MCHR2: variants seen among roughly 807,000 people sequenced by gnomAD.
The protein encoded by MCHR2 is melanin-concentrating hormone receptor 2.
In MCHR2, 15 loss-of-function variants were observed where a neutral mutation model predicts 24.8. That is an observed-to-expected ratio of 0.60 (90% CI 0.40 to 0.93). The LOEUF is 0.93. Ranked by LOEUF, MCHR2 falls within the 40% of genes least tolerant of loss-of-function variation. The probability of loss-of-function intolerance (pLI) is 0.00; values close to 1 mark genes in which losing one functional copy is unlikely to be tolerated. For synonymous variants in MCHR2, 151 were observed against 147.6 expected (o/e 1.02, Z -0.17); for missense variants, 386 against 408.7 (o/e 0.94, Z 0.48).
At chr6:99,940,469 A>C (rs775695906) in intron 4 of MCHR2, among the ~76,000 whole-genome samples, 2 of 151,954 alleles carry the variant, frequency 1.3e-5, no homozygotes, top group Non-Finnish European at 2.9e-5. Flanking sequence ...TTTCTCTGAT[A>C]TATTTCTGAA....
intron 1 of MCHR2, among the ~76,000 whole-genome samples, chr6:99,966,742 TTA>T (rs1250665190): frequency 6.6e-6 from 1 of 152,206 alleles, no homozygotes; most frequent in East Asian, 1.9e-4. Context: ...AGTATTTAAA[TTA>T]TGTTCATAAT....
chr6:99,930,598 T>A (rs1400024534), intron 5 of MCHR2, among the ~76,000 whole-genome samples: 1 of 151,918 alleles, frequency 6.6e-6, no homozygotes, highest in Non-Finnish European at 1.5e-5. Context: ...TCATCTTCTG[T>A]CACTGATACC....
chr6:99,983,676 CT>C (rs925922010), intron 1 of MCHR2, among the ~76,000 whole-genome samples: 1 of 152,282 alleles, frequency 6.6e-6, no homozygotes, highest in African/African-American at 2.4e-5. Context: ...TTGCAAATTT[CT>C]TCCTCGAAAC....
intron 1 of MCHR2, among the ~76,000 whole-genome samples, chr6:99,967,888 A>G (rs558689617): frequency 6.6e-6 from 1 of 152,280 alleles, no homozygotes; most frequent in South Asian, 2.1e-4. Context: ...ATCTCCAGGC[A>G]TACTCTATCT....
At chr6:99,946,138 C>T (rs901811084) in intron 3 of MCHR2, among the ~76,000 whole-genome samples, 1 of 151,944 alleles carries the variant, frequency 6.6e-6, no homozygotes, top group Non-Finnish European at 1.5e-5. Flanking sequence ...CTTTAGGTCA[C>T]TTTTCTACAG....
chr6:99,988,324 A>G (rs545581069), intron 1 of MCHR2, among the ~76,000 whole-genome samples: 116 of 152,276 alleles, frequency 7.6e-4, no homozygotes, highest in African/African-American at 2.5e-3. Context: ...TTTTCCAAGG[A>G]TGGTCCCCAC....
chr6:99,931,635 CT>C (rs1477838750), intron 5 of MCHR2, among the ~76,000 whole-genome samples: 5 of 152,188 alleles, frequency 3.3e-5, no homozygotes, highest in Non-Finnish European at 7.3e-5. Context: ...GTAGGACCCC[CT>C]GAGCCATGTG....
chr6:99,981,358 G>A (rs1265371304), intron 1 of MCHR2, among the ~76,000 whole-genome samples: 1 of 152,188 alleles, frequency 6.6e-6, no homozygotes, highest in Admixed American at 6.5e-5. Flanking sequence ...ACAAAGAAGA[G>A]GGTGGCCATA....
intron 1 of MCHR2, among the ~76,000 whole-genome samples, chr6:99,989,985 T>C (rs1049480645): frequency 5.3e-5 from 8 of 152,182 alleles, no homozygotes; most frequent in Admixed American, 3.3e-4. Context: ...TAGCAATATA[T>C]AATCTTTTTA....
intron 1 of MCHR2, among the ~76,000 whole-genome samples, chr6:99,972,992 C>T (rs1056385867): frequency 2.6e-5 from 4 of 151,650 alleles, no homozygotes; most frequent in Non-Finnish European, 5.9e-5. Flanking sequence ...CTATGTGGTC[C>T]GTTTTGGAAT....
At chr6:99,976,115 A>G (rs970971478) in intron 1 of MCHR2, among the ~76,000 whole-genome samples, 3 of 152,242 alleles carry the variant, frequency 2.0e-5, no homozygotes, top group African/African-American at 7.2e-5. Context: ...ATGACAGCAC[A>G]TTACAAATTT....
rs575058320 is a variant in MCHR2 at position 99,959,216 on chromosome 6, G to A, written c.-27-3042C>T. Among the ~76,000 whole-genome samples, 14 of 152,180 alleles carry A rather than the reference G, an allele frequency of 9.2e-5. 1 individual carries two copies. The South Asian group carries it at 2.7e-3, about 29-fold the overall frequency. On this transcript the variant is annotated intron_variant, in intron 1 of 5. Transcript: ENST00000281806. ...ATGCTGCTATTTTGGAGAACCTGTG[G>A]TACAAAAGATAGATACCAATGGAAA... is the stretch of plus-strand genomic sequence containing the variant.
chr6:99,971,372 G>T (rs1340368181), intron 1 of MCHR2, among the ~76,000 whole-genome samples: 14 of 151,602 alleles, frequency 9.2e-5, no homozygotes, highest in Non-Finnish European at 1.9e-4. Context: ...GTCTGTTATT[G>T]GTGTATAAGA....
chr6:99,943,233 G>C (rs2114522021), intron 3 of MCHR2, 90 bp from the exon 4 acceptor site: 1 of 993,418 alleles, frequency 1.0e-6, no homozygotes, highest in Admixed American at 2.9e-5. Flanking sequence ...TAAATTCTTA[G>C]CATTATTTTC....
chr6:99,963,542 T>TTTC (rs1262476829), intron 1 of MCHR2, among the ~76,000 whole-genome samples: 1 of 152,084 alleles, frequency 6.6e-6, no homozygotes, highest in East Asian at 1.9e-4. Flanking sequence ...GAATATAAAG[T>TTTC]TTCAGTCATG....
intron 5 of MCHR2, among the ~76,000 whole-genome samples, chr6:99,927,086 A>G (rs192390385): frequency 0.019 from 2,941 of 152,160 alleles, 58 homozygotes; most frequent in African/African-American, 0.047. Flanking sequence ...CATTTATTAA[A>G]TAGGGAATCC....
intron 1 of MCHR2, among the ~76,000 whole-genome samples, chr6:99,964,062 A>G (rs1775247938): frequency 6.6e-6 from 1 of 152,164 alleles, no homozygotes; most frequent in African/African-American, 2.4e-5. Flanking sequence ...GAAAAGGCTA[A>G]TTAAAAGCAC....
At chr6:99,967,170 A>C (rs1475772705) in intron 1 of MCHR2, among the ~76,000 whole-genome samples, 4 of 151,878 alleles carry the variant, frequency 2.6e-5, no homozygotes, top group African/African-American at 4.8e-5. Flanking sequence ...AAAAAAAAAA[A>C]CAGAAATTTA....
Position 99,921,328 on chromosome 6 carries a change from C to T in MCHR2, c.708-73G>A, listed in dbSNP as rs755178258. ...TTATGGGGCAATGTGTTCCTAGAACCTTTTGGACAGTTCATAATGGCTTTG... is the reference window on the plus strand; with the variant it reads ...TTATGGGGCAATGTGTTCCTAGAACTTTTTGGACAGTTCATAATGGCTTTG... On this transcript the variant is annotated intron_variant, in intron 5 of 5. Transcript: ENST00000281806. 3.6e-6 allele frequency: 5 copies of T among 1,387,182 alleles called. No homozygotes were observed. In the South Asian group the frequency reaches 5.2e-5, roughly 14 times the overall value. The allele number at this position is 1,387,182 out of a possible 1,614,324, so 85.9% of individuals were successfully genotyped here.
Sources: gnomAD v4.1 joint callset for allele counts (sites outside exome capture counted in the v4.1 genomes callset) on GRCh38, gnomAD v4.1.1 for gene constraint, MANE v1.5 for transcripts, NCBI Gene and HGNC (gene_info 2026-07-23, HGNC 2026-07-21) for gene names.